The following ARF3 variants were observed in gnomAD, a reference collection of about 807,000 sequenced individuals.
ARF3 encodes the protein ARF GTPase 3.
Under a neutral mutation model 19.3 loss-of-function variants are expected in ARF3, and 5 were observed. That is an observed-to-expected ratio of 0.26 (90% CI 0.14 to 0.54). ARF3 has a LOEUF of 0.54. Among genes scored for constraint, ARF3 ranks in the 20% least tolerant of loss-of-function variants. ARF3 has a pLI of 0.95. For missense variants in ARF3, 77 were observed against 234.2 expected (o/e 0.33, Z 4.38); for synonymous variants, 71 against 89.2 (o/e 0.80, Z 1.15).
At chr12:48,955,147 T>C (rs1017715350) in intron 1 of ARF3, among the ~76,000 whole-genome samples, 8 of 152,226 alleles carry the variant, frequency 5.3e-5, no homozygotes, top group African/African-American at 1.9e-4. Context: ...ATGACTCTAG[T>C]GTAAAAGAGT....
At chr12:48,954,061 T>A (rs1395080630) in intron 1 of ARF3, among the ~76,000 whole-genome samples, 5 of 152,198 alleles carry the variant, frequency 3.3e-5, no homozygotes, top group African/African-American at 7.2e-5. Flanking sequence ...GGAATCTAAA[T>A]CCCTGACCTA....
rs1164929064 is a variant in ARF3 at position 48,938,397 on chromosome 12, T to C, written c.*550A>G. On this transcript the variant is annotated 3_prime_UTR_variant, in exon 5 of 5. Transcript: ENST00000256682. ...AGGCTCCAGTGGGCAGTGTCCTGGC[T>C]GCAAGCCCTGAGCTTCACTCCACCC... is the stretch of plus-strand genomic sequence containing the variant. 1 of 454,324 alleles carries C rather than the reference T, an allele frequency of 2.2e-6. No homozygotes were observed. The highest frequency in any genetic ancestry group is 2.3e-5 in the Admixed American group (1 of 42,572). The allele number at this position is 454,324 out of a possible 1,614,324, so 28.1% of individuals were successfully genotyped here. A position where few individuals can be genotyped will look rare whatever the true frequency, so the allele number is the denominator to read the frequency against.
Position 48,938,126 on chromosome 12 carries a change from G to C in ARF3, c.*821C>G, listed in dbSNP as rs929320075. 4.0e-5 allele frequency: 13 copies of C among 326,852 alleles called. No individual in the cohort carries two copies. In the Admixed American group the frequency reaches 4.7e-4, roughly 12 times the overall value. 20.2% of individuals were successfully genotyped at this position (326,852 alleles called of 1,614,324 possible). A position where few individuals can be genotyped will look rare whatever the true frequency, so the allele number is the denominator to read the frequency against. ...GTTCCTCTCTCCTTCCCAACAGTAAGGCAGAGCAGAGTGGCATCTCCTTGG... is the reference window on the plus strand; with the variant it reads ...GTTCCTCTCTCCTTCCCAACAGTAACGCAGAGCAGAGTGGCATCTCCTTGG... On this transcript the variant is annotated 3_prime_UTR_variant, in exon 5 of 5. Coordinates refer to ENST00000256682, the MANE Select transcript of ARF3 (RefSeq NM_001659.3).
At chr12:48,941,212 A>G in intron 1 of ARF3, 24 bp from the exon 2 acceptor site, 1 of 1,190,264 alleles carries the variant, frequency 8.4e-7, no homozygotes. Context: ...ATGTAAAATC[A>G]TACCATCATT....
chr12:48,952,141 A>G (rs542716339), intron 1 of ARF3, among the ~76,000 whole-genome samples: 1 of 152,324 alleles, frequency 6.6e-6, no homozygotes, highest in South Asian at 2.1e-4. Context: ...CAGAATTGTT[A>G]TGCCAGCTTC....
At chr12:48,947,592 C>T (rs1940381613) in intron 1 of ARF3, among the ~76,000 whole-genome samples, 1 of 152,128 alleles carries the variant, frequency 6.6e-6, no homozygotes, top group Admixed American at 6.5e-5. Context: ...AGGCGTGGGC[C>T]ACCGTGCCTG....
At chr12:48,952,961 C>A (rs1293758192) in intron 1 of ARF3, among the ~76,000 whole-genome samples, 1 of 152,234 alleles carries the variant, frequency 6.6e-6, no homozygotes, top group African/African-American at 2.4e-5. Flanking sequence ...GGCCAGCCAT[C>A]TCAGATTTCA....
chr12:48,946,539 T>A (rs867451907), intron 1 of ARF3, among the ~76,000 whole-genome samples: 1 of 152,186 alleles, frequency 6.6e-6, no homozygotes, highest in East Asian at 1.9e-4. Flanking sequence ...TAAAAAGATA[T>A]CTGCAGGTTC....
chr12:48,941,452 A>C, intron 1 of ARF3: 1 of 173,096 alleles, frequency 5.8e-6, no homozygotes, highest in Non-Finnish European at 1.2e-5. Flanking sequence ...GCACCTGTAA[A>C]TGGAAGGGGG....
chr12:48,940,352 G>A (rs1940231120), intron 2 of ARF3, among the ~76,000 whole-genome samples: 2 of 152,228 alleles, frequency 1.3e-5, no homozygotes, highest in Admixed American at 6.5e-5. Flanking sequence ...TGGGTAACGT[G>A]GGCCAACTTT....
intron 1 of ARF3, among the ~76,000 whole-genome samples, chr12:48,951,669 C>T (rs1940474617): frequency 6.6e-6 from 1 of 152,072 alleles, no homozygotes; most frequent in African/African-American, 2.4e-5. Context: ...CACCTGAGAT[C>T]GGGAGTTCGA....
Position 48,939,986 on chromosome 12 carries a change from C to G in ARF3, c.259+11G>C, listed in dbSNP as rs1160938381. 7 of 1,612,880 alleles carry G rather than the reference C, an allele frequency of 4.3e-6. No individual in the cohort carries two copies. The highest frequency in any genetic ancestry group is 5.9e-6 in the Non-Finnish European group (7 of 1,178,974). ...TCATACCCAACCAACCCACGCTAGG[C>G]CTGAGCATACCTTGGGTGTTCTGGA... is the stretch of plus-strand genomic sequence containing the variant. On this transcript the variant is annotated intron_variant, in intron 3 of 4. Coordinates refer to ENST00000256682, the MANE Select transcript of ARF3 (RefSeq NM_001659.3). The surrounding 1 kb of genome is among the most constrained non-coding windows in gnomAD (Gnocchi z 4.8).
At position 48,939,991 on chromosome 12, in the gene ARF3, G is replaced by C. The variant is rs746313129; in HGVS notation, c.259+6C>G. ...CCCAACCAACCCACGCTAGGCCTGA[G>C]CATACCTTGGGTGTTCTGGAAGTAG... On this transcript the variant is annotated splice_donor_region_variant and intron_variant, in intron 3 of 4. Transcript: ENST00000256682. The surrounding 1 kb of genome is among the most constrained non-coding windows in gnomAD (Gnocchi z 4.8). 1.9e-6 allele frequency: 3 copies of C among 1,613,452 alleles called. No individual in the cohort carries two copies. In the South Asian group the frequency reaches 3.3e-5, roughly 18 times the overall value.
In ARF3 at chr12:48,938,683, C is replaced by T; in HGVS notation, c.*264G>A. 1 of 477,412 alleles carries T rather than the reference C, an allele frequency of 2.1e-6. No homozygotes were observed. The highest frequency in any genetic ancestry group is 3.9e-6 in the Non-Finnish European group (1 of 257,518). 29.6% of individuals were successfully genotyped at this position (477,412 alleles called of 1,614,324 possible). A position where few individuals can be genotyped will look rare whatever the true frequency, so the allele number is the denominator to read the frequency against. ...ACCCAGAGGGTGAGAGAGAGAGGGG[C>T]CACCCCATGAAACCGTAACAACTTT... On this transcript the variant is annotated 3_prime_UTR_variant, in exon 5 of 5. Transcript: ENST00000256682.
chr12:48,949,016 G>A (rs1940414609), intron 1 of ARF3, among the ~76,000 whole-genome samples: 1 of 152,184 alleles, frequency 6.6e-6, no homozygotes, highest in African/African-American at 2.4e-5. Context: ...ATCGCAAGTT[G>A]TCAACTACAA....
chr12:48,953,809 GCTC>G (rs965232151), intron 1 of ARF3, among the ~76,000 whole-genome samples: 1 of 152,040 alleles, frequency 6.6e-6, no homozygotes, highest in African/African-American at 2.4e-5. Flanking sequence ...CTTTCCAAAC[GCTC>G]CTCATGTCTT....
intron 1 of ARF3, among the ~76,000 whole-genome samples, chr12:48,954,607 T>C (rs1940527569): frequency 6.6e-6 from 1 of 152,184 alleles, no homozygotes; most frequent in African/African-American, 2.4e-5. Context: ...GACAAGCAAT[T>C]TTACAAGAAA....
chr12:48,939,883 CTCCCTTTCT>C lies in ARF3; in HGVS notation c.259+105_260-105del. ...ACCCTCCAAATATTTGCTCCCTTTC[CTCCCTTTCT>C]TCTGCCCCCAGGAGCTGCAGCAGGG... On this transcript the variant is annotated intron_variant, in intron 3 of 4. Coordinates refer to ENST00000256682, the MANE Select transcript of ARF3 (RefSeq NM_001659.3). This position sits in a 1 kb window ranked among gnomAD's most constrained non-coding sequence, Gnocchi z 4.8. 6 of 1,596,856 alleles carry C rather than the reference CTCCCTTTCT, an allele frequency of 3.8e-6. No individual in the cohort carries two copies. The highest frequency in any genetic ancestry group is 5.1e-6 in the Non-Finnish European group (6 of 1,166,020).
chr12:48,947,565 C>A (rs1940381056), intron 1 of ARF3, among the ~76,000 whole-genome samples: 1 of 152,180 alleles, frequency 6.6e-6, no homozygotes, highest in Non-Finnish European at 1.5e-5. Context: ...CTCTGCCCCC[C>A]AAAGTGCTGG....
Sources: allele counts gnomAD v4.1 joint callset (sites outside exome capture counted in the v4.1 genomes callset), GRCh38; gene constraint gnomAD v4.1.1; non-coding constraint Gnocchi (gnomAD v3.1); transcripts MANE v1.5; gene names NCBI Gene and HGNC (gene_info 2026-07-23, HGNC 2026-07-21).